The following SRRM4 variants were observed in gnomAD, a reference collection of about 807,000 sequenced individuals.
SRRM4 encodes serine/arginine repetitive matrix 4, also known as serine/arginine repetitive matrix protein 4.
SRRM4 carries 33 observed loss-of-function variants against 68.9 expected under a neutral mutation model. The ratio of observed to expected loss-of-function variants is 0.48; its 90% CI spans 0.36 to 0.64. The LOEUF is 0.64. Among genes scored for constraint, SRRM4 ranks in the 30% least tolerant of loss-of-function variants. The pLI, the probability that SRRM4 is intolerant of heterozygous loss-of-function variation, is 0.00. For synonymous variants in SRRM4, 318 were observed against 318.8 expected (o/e 1.00, Z 0.03); for missense variants, 817 against 827.1 (o/e 0.99, Z 0.15).
At chr12:119,066,910 C>T (rs1202821635) in intron 1 of SRRM4, among the ~76,000 whole-genome samples, 2 of 152,218 alleles carry the variant, frequency 1.3e-5, no homozygotes, top group East Asian at 3.8e-4. Context: ...CACATCCATT[C>T]ATTCTACCCA....
intron 1 of SRRM4, among the ~76,000 whole-genome samples, chr12:119,015,963 C>T (rs143471934): frequency 6.7e-4 from 102 of 152,084 alleles, no homozygotes; most frequent in African/African-American, 2.5e-3. Flanking sequence ...CCTTTGAATG[C>T]GATCTTATTT....
At position 119,060,246 on chromosome 12, in the gene SRRM4, T is replaced by C. The variant is rs751504872; in HGVS notation, c.132-41990T>C. On this transcript the variant is annotated intron_variant, in intron 1 of 12. Coordinates refer to ENST00000267260, the MANE Select transcript of SRRM4 (RefSeq NM_194286.4). ...GCATATTAATATACGATGCACAAAC[T>C]CTTTTCCTTGGAATTACTCACTTCG... Among the ~76,000 whole-genome samples, 91 of 151,530 alleles carry C rather than the reference T, an allele frequency of 6.0e-4. 1 individual carries two copies. Among genetic ancestry groups the C allele is most frequent in the Non-Finnish European group, 6.9e-4 (47 of 67,954 alleles).
rs1464550228 is a variant in SRRM4 at position 119,154,251 on chromosome 12, A to T, written c.1400A>T (p.Asp467Val). 6.2e-7 allele frequency: 1 copy of T among 1,605,054 alleles called. No homozygotes were observed. Among genetic ancestry groups the T allele is most frequent in the Middle Eastern group, 1.7e-4 (1 of 5,984 alleles). The change falls in exon 12 of 13, where the codon GAT becomes GTT. Residue 467 changes from aspartate (D) to valine (V), a missense_variant. Physicochemically the swap from Asp to Val is radical, Grantham distance 152 (BLOSUM62 -3). Transcript: ENST00000267260. This position sits in a 1 kb window ranked among gnomAD's most constrained non-coding sequence, Gnocchi z 4.7. Reference protein sequence around the residue: ...YSRYSPSRERDPKYSEKDSQQ... With the variant: ...YSRYSPSRERVPKYSEKDSQQ... ...CCCCCGCGCCCCTTCAGGGAGCGGG[A>T]TCCCAAATACAGTGAGAAGGACTCG...
intron 1 of SRRM4, among the ~76,000 whole-genome samples, chr12:119,053,374 A>G (rs544875978): frequency 6.6e-6 from 1 of 152,348 alleles, no homozygotes; most frequent in East Asian, 1.9e-4. Flanking sequence ...AGTATAGGAA[A>G]CACATGCATA....
At chr12:119,122,151 C>A (rs779189958) in intron 6 of SRRM4, 31 bp downstream of exon 6, 1 of 1,500,722 alleles carries the variant, frequency 6.7e-7, no homozygotes, top group Non-Finnish European at 9.3e-7. Context: ...ATGTACTCAT[C>A]AGTTTGAGGA....
intron 1 of SRRM4, among the ~76,000 whole-genome samples, chr12:119,056,567 C>T (rs2136019344): frequency 6.6e-6 from 1 of 152,284 alleles, no homozygotes; most frequent in East Asian, 1.9e-4. Flanking sequence ...TTCTGCCTCT[C>T]TTCTCCTTTC....
At chr12:119,004,321 A>G (rs1953403077) in intron 1 of SRRM4, among the ~76,000 whole-genome samples, 2 of 151,860 alleles carry the variant, frequency 1.3e-5, no homozygotes, top group Admixed American at 1.3e-4. Context: ...GTCCTGTGGG[A>G]TATTTTTCAT....
chr12:119,032,884 C>T (rs1394197674), intron 1 of SRRM4, among the ~76,000 whole-genome samples: 1 of 151,942 alleles, frequency 6.6e-6, no homozygotes, highest in Non-Finnish European at 1.5e-5. Context: ...TGCAAATTGT[C>T]GATTTTGTTG....
intron 1 of SRRM4, among the ~76,000 whole-genome samples, chr12:119,050,332 G>T (rs979959221): frequency 3.9e-5 from 6 of 152,242 alleles, no homozygotes; most frequent in African/African-American, 1.4e-4. Context: ...AGAAGTAGTT[G>T]TGATCACCTA....
At chr12:119,134,515 G>A (rs1004122562) in intron 8 of SRRM4, among the ~76,000 whole-genome samples, 1 of 152,058 alleles carries the variant, frequency 6.6e-6, no homozygotes, top group African/African-American at 2.4e-5. Flanking sequence ...ATTGAGTCAG[G>A]AGCACCAGTA....
chr12:119,052,514 GTTGTTGTT>G (rs1220990944), intron 1 of SRRM4, among the ~76,000 whole-genome samples: 1 of 151,160 alleles, frequency 6.6e-6, no homozygotes, highest in Non-Finnish European at 1.5e-5. Context: ...TGTTGTTGTT[GTTGTTGTT>G]TTGTTTGTTT....
intron 1 of SRRM4, among the ~76,000 whole-genome samples, chr12:119,038,002 A>C (rs1385720832): frequency 6.6e-6 from 1 of 152,104 alleles, no homozygotes; most frequent in African/African-American, 2.4e-5. Context: ...TAATAATGCT[A>C]TTATATCTAT....
rs139998587 is a variant in SRRM4, at chr12:119,100,310, G to T, written c.132-1926G>T. On this transcript the variant is annotated intron_variant, in intron 1 of 12. Coordinates refer to ENST00000267260, the MANE Select transcript of SRRM4 (RefSeq NM_194286.4). ...GTTCAAGACCAGTTTGAACAATACA[G>T]TGGGACCCTGTCTCTACAAAAAAAA... Among the ~76,000 whole-genome samples the T allele has an allele frequency of 4.1e-5, 5 of 121,894 alleles. No homozygotes were observed. In the East Asian group the frequency reaches 1.2e-3, roughly 29 times the overall value. 80.0% of individuals were successfully genotyped at this position (121,894 alleles called of 152,430 possible).
At chr12:119,107,278 C>T (rs1565909513) in intron 2 of SRRM4, among the ~76,000 whole-genome samples, 1 of 152,150 alleles carries the variant, frequency 6.6e-6, no homozygotes, top group South Asian at 2.1e-4. Context: ...GTCTAAATTT[C>T]TCTTTTTTTG....
intron 1 of SRRM4, among the ~76,000 whole-genome samples, chr12:119,086,195 C>T (rs753445161): frequency 6.6e-6 from 1 of 152,132 alleles, no homozygotes; most frequent in African/African-American, 2.4e-5. Flanking sequence ...CCAGGCTCCA[C>T]GTCCCTCATA....
chr12:119,030,277 A>G (rs1049183558), intron 1 of SRRM4, among the ~76,000 whole-genome samples: 1 of 152,208 alleles, frequency 6.6e-6, no homozygotes, highest in African/African-American at 2.4e-5. Context: ...CCTCCCCACA[A>G]GGGAGGATAA....
At chr12:118,989,787 G>T (rs568670801) in intron 1 of SRRM4, 9 of 152,206 alleles carry the variant, frequency 5.9e-5, no homozygotes, top group Non-Finnish European at 1.2e-4. Context: ...GAATCCTCTG[G>T]TTGCTGGATT....
At chr12:119,117,690 G>A (rs1479426153) in intron 4 of SRRM4, among the ~76,000 whole-genome samples, 1 of 152,180 alleles carries the variant, frequency 6.6e-6, no homozygotes, top group Non-Finnish European at 1.5e-5. Flanking sequence ...AAGGTGGGCA[G>A]ATCACGAGGT....
At chr12:119,078,110 G>T (rs1039948381) in intron 1 of SRRM4, among the ~76,000 whole-genome samples, 5 of 152,170 alleles carry the variant, frequency 3.3e-5, no homozygotes, top group Non-Finnish European at 7.3e-5. Flanking sequence ...TTGAGGAGTG[G>T]CAGGTGGGAT....
Sources: gnomAD v4.1 joint callset for allele counts (sites outside exome capture counted in the v4.1 genomes callset) on GRCh38, gnomAD v4.1.1 for gene constraint, Gnocchi (gnomAD v3.1) non-coding constraint, MANE v1.5 for transcripts, NCBI Gene and HGNC (gene_info 2026-07-23, HGNC 2026-07-21) for gene names.